Variants in CCDC7 observed in about 807,000 individuals in gnomAD.
The protein encoded by CCDC7 is coiled-coil domain-containing protein 7.
In CCDC7, 183 loss-of-function variants were observed where a neutral mutation model predicts 196.9. The observed-to-expected ratio is 0.93, with a 90% CI of 0.82 to 1.05. The LOEUF is 1.05. Ranked by LOEUF, CCDC7 falls within the 50% of genes least tolerant of loss-of-function variation. The pLI, the probability that CCDC7 is intolerant of heterozygous loss-of-function variation, is 0.00. For missense variants in CCDC7, 1,540 were observed against 1,482.2 expected (o/e 1.04, Z -0.64); for synonymous variants, 525 against 484.6 (o/e 1.08, Z -1.10).
chr10:32,772,353 C>G (rs2079301677), intron 28 of CCDC7, among the ~76,000 whole-genome samples: 1 of 152,212 alleles, frequency 6.6e-6, no homozygotes, highest in East Asian at 1.9e-4. Flanking sequence ...AGCTGAGTCC[C>G]AGTCAGCCTG....
intron 18 of CCDC7, among the ~76,000 whole-genome samples, chr10:32,615,213 CA>C (rs2062648448): frequency 6.6e-6 from 1 of 152,136 alleles, no homozygotes; most frequent in African/African-American, 2.4e-5. Context: ...ATGGCTAGAT[CA>C]AATGTTATTT....
intron 40 of CCDC7, among the ~76,000 whole-genome samples, chr10:32,852,140 A>G (rs755777314): frequency 1.5e-4 from 23 of 152,158 alleles, no homozygotes; most frequent in Admixed American, 2.6e-4. Flanking sequence ...CTCCATTATG[A>G]CTAAATTGGA....
intron 25 of CCDC7, among the ~76,000 whole-genome samples, chr10:32,715,784 G>A (rs184444616): frequency 6.6e-6 from 1 of 152,254 alleles, no homozygotes; most frequent in African/African-American, 2.4e-5. Context: ...AATCAATCAA[G>A]TGGAAGAAAG....
At position 32,584,215 on chromosome 10, in the gene CCDC7, C is replaced by T; in HGVS notation, c.1729-17C>T. 1.3e-6 allele frequency: 2 copies of T among 1,485,372 alleles called. No homozygotes were observed. The highest frequency in any genetic ancestry group is 1.3e-5 in the South Asian group (1 of 75,854). The allele number at this position is 1,485,372 out of a possible 1,614,324, so 92.0% of individuals were successfully genotyped here. Reference sequence around the variant, plus strand: ...GTATATAATTTCTAATTACTTATTACAACTTTTGTTATTAAGGCTGATGTT... The same window carrying T: ...GTATATAATTTCTAATTACTTATTATAACTTTTGTTATTAAGGCTGATGTT... On this transcript the variant is annotated splice_polypyrimidine_tract_variant and intron_variant, in intron 17 of 41. Coordinates refer to ENST00000639629, the Ensembl canonical transcript of CCDC7.
At chr10:32,624,763 T>G (rs2063788280) in intron 18 of CCDC7, among the ~76,000 whole-genome samples, 1 of 152,158 alleles carries the variant, frequency 6.6e-6, no homozygotes, top group Admixed American at 6.6e-5. Flanking sequence ...TGTGTGTTGA[T>G]GACTTTTTCA....
At chr10:32,658,995 G>T (rs929689785) in intron 20 of CCDC7, among the ~76,000 whole-genome samples, 10 of 149,134 alleles carry the variant, frequency 6.7e-5, no homozygotes, top group Non-Finnish European at 1.5e-5. Context: ...TCTTAGTTTT[G>T]TTGACCATTT....
At chr10:32,705,469 T>C (rs1343813359) in intron 24 of CCDC7, among the ~76,000 whole-genome samples, 1 of 152,032 alleles carries the variant, frequency 6.6e-6, no homozygotes. Context: ...CACATAACAA[T>C]ATTAAACTTA....
At chr10:32,828,485 G>GAAGAA (rs1491309680) in intron 32 of CCDC7, among the ~76,000 whole-genome samples, 31 of 49,730 alleles carry the variant, frequency 6.2e-4, no homozygotes, top group Middle Eastern at 0.01. Context: ...AAGAGGAAGA[G>GAAGAA]GAAGAAGAAG....
At chr10:32,504,181 G>A (rs1000219276) in intron 9 of CCDC7, among the ~76,000 whole-genome samples, 8 of 143,430 alleles carry the variant, frequency 5.6e-5, no homozygotes, top group Non-Finnish European at 9.0e-5. Flanking sequence ...GCAGTGGCGC[G>A]ATCTTGGCTC....
Position 32,628,003 on chromosome 10 carries a change from G to A in CCDC7, c.1802-6251G>A, listed in dbSNP as rs371468673. ...TCTTGTAATGTCCTTATCTGGTTTT[G>A]GTATTAGGGTAGTAGTGGTCTAGTA... On this transcript the variant is annotated intron_variant, in intron 18 of 41. Coordinates refer to ENST00000639629, the Ensembl canonical transcript of CCDC7. 1.3e-4 allele frequency among the ~76,000 whole-genome samples: 20 copies of A among 151,738 alleles called. No homozygotes were observed. In the South Asian group the frequency reaches 3.5e-3, roughly 27 times the overall value.
intron 24 of CCDC7, among the ~76,000 whole-genome samples, chr10:32,701,934 C>A (rs572947768): frequency 2.0e-5 from 3 of 152,048 alleles, no homozygotes; most frequent in Non-Finnish European, 2.9e-5. Context: ...CTTGCTCTAG[C>A]GGTCTGTCAA....
At chr10:32,554,053 G>A (rs944095826) in intron 13 of CCDC7, among the ~76,000 whole-genome samples, 24 of 152,274 alleles carry the variant, frequency 1.6e-4, no homozygotes, top group African/African-American at 5.5e-4. Context: ...TACCTAGGAG[G>A]GTTATGGCTG....
chr10:32,551,323 A>G (rs1392966052), intron 13 of CCDC7, among the ~76,000 whole-genome samples: 3 of 151,908 alleles, frequency 2.0e-5, no homozygotes, highest in Non-Finnish European at 4.4e-5. Flanking sequence ...ATGGTCGATC[A>G]GTTTTATTTA....
chr10:32,778,035 G>A (rs921279756), intron 28 of CCDC7, among the ~76,000 whole-genome samples: 4 of 152,074 alleles, frequency 2.6e-5, no homozygotes, highest in African/African-American at 9.7e-5. Context: ...ACTTTATAAT[G>A]GAGTTATTTG....
At chr10:32,451,608 T>C (rs77970650), upstream of CCDC7, 1,299 of 1,535,376 alleles carry the variant, frequency 8.5e-4, 6 homozygotes, top group Admixed American at 1.6e-3. Flanking sequence ...ATAAGTTTTT[T>C]TCATCTGTAA....
At chr10:32,769,317 T>A (rs1452069122) in intron 28 of CCDC7, among the ~76,000 whole-genome samples, 1 of 152,100 alleles carries the variant, frequency 6.6e-6, no homozygotes, top group African/African-American at 2.4e-5. Flanking sequence ...ACTCTGATAA[T>A]CTTTTTAAAT....
chr10:32,553,123 C>G (rs867881002), intron 13 of CCDC7, among the ~76,000 whole-genome samples: 5,583 of 117,390 alleles, frequency 0.048, 113 homozygotes, highest in Middle Eastern at 0.062. Context: ...TTTTTTAATT[C>G]TTTTTTTTTA....
intron 20 of CCDC7, among the ~76,000 whole-genome samples, chr10:32,650,034 G>A (rs546275751): frequency 3.3e-5 from 5 of 152,298 alleles, no homozygotes; most frequent in African/African-American, 7.2e-5. Context: ...GACTGGTTAT[G>A]AACCATTACT....
At chr10:32,828,100 G>A (rs180756905) in intron 32 of CCDC7, among the ~76,000 whole-genome samples, 3 of 152,224 alleles carry the variant, frequency 2.0e-5, no homozygotes, top group African/African-American at 7.2e-5. Flanking sequence ...CAAGTCTTTA[G>A]ACAAAGCTTA....
Sources: gnomAD v4.1 joint callset for allele counts (sites outside exome capture counted in the v4.1 genomes callset) on GRCh38, gnomAD v4.1.1 for gene constraint, MANE v1.5 for transcripts, NCBI Gene and HGNC (gene_info 2026-07-23, HGNC 2026-07-21) for gene names.